Variants in PSTPIP2 observed in about 807,000 individuals in gnomAD.
PSTPIP2 encodes proline-serine-threonine phosphatase interacting protein 2.
PSTPIP2 carries 33 observed loss-of-function variants against 63.3 expected under a neutral mutation model. That is an observed-to-expected ratio of 0.52 (90% CI 0.40 to 0.70). The LOEUF (loss-of-function observed/expected upper bound fraction) is 0.70, where lower values mean the gene tolerates loss of function less well. Among genes scored for constraint, PSTPIP2 ranks in the 30% least tolerant of loss-of-function variants. The pLI, the probability that PSTPIP2 is intolerant of heterozygous loss-of-function variation, is 0.00. For synonymous variants in PSTPIP2, 125 were observed against 132.7 expected, an observed-to-expected ratio of 0.94 and a Z score of 0.40; for missense variants, 312 against 400.7, an observed-to-expected ratio of 0.78 and a Z score of 1.89.
chr18:46,054,910 G>T (rs905870231), intron 1 of PSTPIP2, among the ~76,000 whole-genome samples: 2 of 151,986 alleles, frequency 1.3e-5, no homozygotes, highest in African/African-American at 2.4e-5. Context: ...ACCCGCCTCA[G>T]CCTCCCAAAA....
chr18:45,992,237 T>C (rs780237061), intron 10 of PSTPIP2, 35 bp from the exon 11 acceptor site: 22 of 1,509,370 alleles, frequency 1.5e-5, no homozygotes, highest in Non-Finnish European at 2.0e-5. Context: ...GGTAGAGGTA[T>C]GTTGAGATCA....
intron 1 of PSTPIP2, among the ~76,000 whole-genome samples, chr18:46,052,105 G>A (rs865936051): frequency 1.8e-4 from 27 of 152,314 alleles, no homozygotes; most frequent in Admixed American, 1.2e-3. Flanking sequence ...AACAGAGTGA[G>A]ACACCAAACC....
intron 1 of PSTPIP2, among the ~76,000 whole-genome samples, chr18:46,046,378 G>A (rs1017048497): frequency 7.2e-5 from 11 of 152,174 alleles, no homozygotes; most frequent in Admixed American, 2.6e-4. Context: ...TCTCCAGCCC[G>A]TTCCTCTCAT....
chr18:46,040,631 A>G (rs1361399757), intron 1 of PSTPIP2, among the ~76,000 whole-genome samples: 5 of 152,220 alleles, frequency 3.3e-5, no homozygotes, highest in African/African-American at 1.2e-4. Flanking sequence ...CTGTAACTGC[A>G]AACATTTGTG....
chr18:46,034,832 A>G (rs1337937020), intron 2 of PSTPIP2, among the ~76,000 whole-genome samples: 2 of 152,234 alleles, frequency 1.3e-5, no homozygotes, highest in East Asian at 3.8e-4. Flanking sequence ...TGAGAATTAA[A>G]TAATATATAC....
chr18:46,039,547 G>A (rs910182517), intron 2 of PSTPIP2, among the ~76,000 whole-genome samples: 4 of 151,942 alleles, frequency 2.6e-5, no homozygotes, highest in East Asian at 1.9e-4. Flanking sequence ...AAGCCACCCC[G>A]TCCTCTATTT....
chr18:46,006,361 T>TCC (rs2051725952), intron 5 of PSTPIP2, among the ~76,000 whole-genome samples: 2 of 3,582 alleles, frequency 5.6e-4, no homozygotes, highest in African/African-American at 8.3e-4. Flanking sequence ...GCCCTGGTAC[T>TCC]TTTTTTTTTT....
chr18:46,017,732 A>C (rs538374356), intron 3 of PSTPIP2, among the ~76,000 whole-genome samples: 1 of 152,206 alleles, frequency 6.6e-6, no homozygotes, highest in Non-Finnish European at 1.5e-5. Context: ...GCAAAGTTAC[A>C]TATGTATTAC....
At chr18:45,999,409 T>C in intron 7 of PSTPIP2, 27 bp downstream of exon 7, 2 of 1,610,518 alleles carry the variant, frequency 1.2e-6, no homozygotes, top group Non-Finnish European at 1.7e-6. Flanking sequence ...GTCTCAGATT[T>C]TTCGGGTTGT....
chr18:46,012,174 C>T (rs2051803411), intron 4 of PSTPIP2, among the ~76,000 whole-genome samples: 1 of 151,690 alleles, frequency 6.6e-6, no homozygotes, highest in Non-Finnish European at 1.5e-5. Context: ...GAAAAAAATG[C>T]AAAACTTTAA....
intron 1 of PSTPIP2, among the ~76,000 whole-genome samples, chr18:46,047,332 C>T (rs533890835): frequency 1.8e-4 from 27 of 152,130 alleles, no homozygotes; most frequent in African/African-American, 6.3e-4. Flanking sequence ...CTCAGCAGTT[C>T]GGGAGGCCAA....
chr18:46,071,619 T>C (rs1909395908), intron 1 of PSTPIP2, among the ~76,000 whole-genome samples: 1 of 152,132 alleles, frequency 6.6e-6, no homozygotes, highest in South Asian at 2.1e-4. Context: ...AAGCCCTCTA[T>C]GCTGTACGTT....
intron 1 of PSTPIP2, among the ~76,000 whole-genome samples, chr18:46,061,605 T>C (rs1908995509): frequency 6.6e-6 from 1 of 152,154 alleles, no homozygotes; most frequent in South Asian, 2.1e-4. Context: ...GCTGATTAAA[T>C]AGTTAGGCCC....
intron 4 of PSTPIP2, among the ~76,000 whole-genome samples, chr18:46,014,360 G>A (rs1156406068): frequency 2.6e-5 from 4 of 152,032 alleles, no homozygotes; most frequent in Admixed American, 6.6e-5. Flanking sequence ...CTGACCCTGG[G>A]AAGAAAAGAA....
chr18:45,998,960 T>G (rs768118615), intron 7 of PSTPIP2, 121 bp from the exon 8 acceptor site: 38 of 983,800 alleles, frequency 3.9e-5, no homozygotes, highest in Non-Finnish European at 5.4e-5. Flanking sequence ...GTGCAAGTCC[T>G]GTGTACATTT....
intron 1 of PSTPIP2, among the ~76,000 whole-genome samples, chr18:46,056,878 G>A (rs542567629): frequency 6.6e-6 from 1 of 152,164 alleles, no homozygotes; most frequent in Non-Finnish European, 1.5e-5. Flanking sequence ...AAGGTGGGCA[G>A]ATCACTTGAG....
At chr18:46,068,083 C>T (rs1909259760) in intron 1 of PSTPIP2, among the ~76,000 whole-genome samples, 1 of 151,158 alleles carries the variant, frequency 6.6e-6, no homozygotes. Flanking sequence ...CAACCAACCA[C>T]AGATGAAAAA....
At chr18:46,042,611 T>C (rs1278325797) in intron 1 of PSTPIP2, among the ~76,000 whole-genome samples, 1 of 152,176 alleles carries the variant, frequency 6.6e-6, no homozygotes, top group African/African-American at 2.4e-5. Context: ...TTCTGGAGAA[T>C]GAAAAGGCCT....
intron 5 of PSTPIP2, among the ~76,000 whole-genome samples, chr18:46,006,360 C>CTTTTTTTTTTTTTTTTTTT (rs756384731): frequency 8.6e-6 from 1 of 115,628 alleles, no homozygotes; most frequent in African/African-American, 3.7e-5. Flanking sequence ...AGCCCTGGTA[C>CTTTTTTTTTTTTTTTTTTT]TTTTTTTTTT....
Sources: gnomAD v4.1 joint callset for allele counts (sites outside exome capture counted in the v4.1 genomes callset) on GRCh38, gnomAD v4.1.1 for gene constraint, MANE v1.5 for transcripts, NCBI Gene and HGNC (gene_info 2026-07-23, HGNC 2026-07-21) for gene names.